The following GMEB1 variants were observed in gnomAD, a reference collection of about 807,000 sequenced individuals.
GMEB1 encodes glucocorticoid modulatory element binding protein 1.
In GMEB1, 6 loss-of-function variants were observed where a neutral mutation model predicts 52.4. The ratio of observed to expected loss-of-function variants is 0.11; its 90% confidence interval spans 0.06 to 0.23. The LOEUF (loss-of-function observed/expected upper bound fraction) is 0.23, where lower values mean the gene tolerates loss of function less well. GMEB1 is among the 10% of genes least tolerant of loss of function. GMEB1 has a pLI of 1.00. For synonymous variants in GMEB1, 255 were observed against 244.9 expected (o/e 1.04, Z -0.38); for missense variants, 486 against 685.6 (o/e 0.71, Z 3.25).
At chr1:28,686,224 C>T (rs571254975) in intron 2 of GMEB1, among the ~76,000 whole-genome samples, 1 of 152,106 alleles carries the variant, frequency 6.6e-6, no homozygotes, top group Admixed American at 6.6e-5. Flanking sequence ...ACCTGTAGTT[C>T]CAGCTACTCA....
rs369752804 is a variant in GMEB1, at chr1:28,674,340, AAAAAC to A, written c.-31+5507_-31+5511del. The stretch of plus-strand genomic sequence containing the variant: ...GGTGACAGAGGGTGACCCTGTCTCA[AAAAAC>A]AAAACGAAAGAAAACAAAAACCCAA... On this transcript the variant is annotated intron_variant, in intron 1 of 9. Coordinates refer to ENST00000373816, the MANE Select transcript of GMEB1 (RefSeq NM_001319674.2). Among the ~76,000 whole-genome samples the A allele has an allele frequency of 7.5e-3, 1,142 of 152,196 alleles. 10 individuals are homozygous for A. The highest frequency in any genetic ancestry group is 0.023 in the South Asian group (113 of 4,824).
intron 6 of GMEB1, among the ~76,000 whole-genome samples, chr1:28,698,095 G>A (rs1333441889): frequency 1.3e-5 from 2 of 152,012 alleles, no homozygotes; most frequent in Admixed American, 6.6e-5. Flanking sequence ...AGCCGAGATG[G>A]CACCACTGCA....
Position 28,706,977 on chromosome 1 carries a change from G to GTTTT in GMEB1, c.868+2670_868+2673dup, listed in dbSNP as rs1237383046. 1.7e-3 allele frequency among the ~76,000 whole-genome samples: 139 copies of GTTTT among 82,774 alleles called. 1 individual carries two copies. The highest frequency in any genetic ancestry group is 1.9e-3 in the Non-Finnish European group (87 of 46,062). 54.3% of individuals were successfully genotyped at this position (82,774 alleles called of 152,430 possible). A position where few individuals can be genotyped will look rare whatever the true frequency, so the allele number is the denominator to read the frequency against. On this transcript the variant is annotated intron_variant, in intron 8 of 9. Coordinates refer to ENST00000373816, the MANE Select transcript of GMEB1 (RefSeq NM_001319674.2). ...CCACCATGCCTGTCCTCCAGATTTG[G>GTTTT]TTTTTTTTTTTTTTTTTTTTTTTTT...
chr1:28,706,855 T>C (rs1339533797), intron 8 of GMEB1, among the ~76,000 whole-genome samples: 2 of 151,406 alleles, frequency 1.3e-5, no homozygotes, highest in Non-Finnish European at 2.9e-5. Context: ...TTAGTAGAGA[T>C]GGGGTTTCAC....
At chr1:28,693,509 GC>G (rs1670059563) in intron 5 of GMEB1, among the ~76,000 whole-genome samples, 1 of 151,316 alleles carries the variant, frequency 6.6e-6, no homozygotes, top group South Asian at 2.1e-4. Context: ...GAACCACCAC[GC>G]CCAGCCTCTT....
chr1:28,700,717 C>A (rs536080502), intron 6 of GMEB1, among the ~76,000 whole-genome samples: 1 of 151,268 alleles, frequency 6.6e-6, no homozygotes, highest in African/African-American at 2.4e-5. Flanking sequence ...TTGGTCAGTT[C>A]TAATATTCTG....
intron 7 of GMEB1, among the ~76,000 whole-genome samples, chr1:28,703,123 T>C (rs1200695132): frequency 6.6e-6 from 1 of 152,180 alleles, no homozygotes; most frequent in Non-Finnish European, 1.5e-5. Flanking sequence ...TGTTTGACTA[T>C]GTAGTCTATG....
At chr1:28,669,543 G>GT (rs984208090) in intron 1 of GMEB1, among the ~76,000 whole-genome samples, 2 of 152,078 alleles carry the variant, frequency 1.3e-5, no homozygotes, top group Non-Finnish European at 2.9e-5. Flanking sequence ...AAAAGGGCAG[G>GT]TTTTTTCCAA....
At chr1:28,669,646 T>G (rs1248542722) in intron 1 of GMEB1, among the ~76,000 whole-genome samples, 2 of 151,930 alleles carry the variant, frequency 1.3e-5, no homozygotes, top group African/African-American at 4.8e-5. Context: ...TAGAGCCTCC[T>G]GAAGTACGAA....
Position 28,717,187 on chromosome 1 carries a change from T to TG in GMEB1, c.*2414_*2415insG, listed in dbSNP as rs1006437969. On this transcript the variant is annotated 3_prime_UTR_variant, in exon 10 of 10. Transcript: ENST00000373816. The stretch of plus-strand genomic sequence containing the variant: ...CCCTGTAACATGGTAAGGTTGCTGT[T>TG]TTTTTTTTTTTTTTCTTTTTGAGAT... The TG allele has an allele frequency of 6.7e-6, 1 of 149,290 alleles. No individual in the cohort carries two copies. The highest frequency in any genetic ancestry group is 1.5e-5 in the Non-Finnish European group (1 of 67,184). 9.2% of individuals were successfully genotyped at this position (149,290 alleles called of 1,614,324 possible).
At position 28,694,726 on chromosome 1, in the gene GMEB1, C is replaced by A. The variant is rs572893721; in HGVS notation, c.440+1681C>A. 1.3e-4 allele frequency among the ~76,000 whole-genome samples: 20 copies of A among 151,404 alleles called. 1 individual carries two copies. In the South Asian group the frequency reaches 4.2e-3, roughly 32 times the overall value. Reference sequence around the variant, plus strand: ...CTGTGTCGCCCAGGCTGCAGTGGCACGATCTCAGCTCACTGCAACTTCCGC... The same window carrying A: ...CTGTGTCGCCCAGGCTGCAGTGGCAAGATCTCAGCTCACTGCAACTTCCGC... On this transcript the variant is annotated intron_variant, in intron 5 of 9. Coordinates refer to ENST00000373816, the MANE Select transcript of GMEB1 (RefSeq NM_001319674.2).
chr1:28,700,618 G>A (rs1422093046), intron 6 of GMEB1, among the ~76,000 whole-genome samples: 1 of 151,434 alleles, frequency 6.6e-6, no homozygotes, highest in Non-Finnish European at 1.5e-5. Context: ...CTGGGACGCG[G>A]AGACTGCCGT....
At chr1:28,704,645 G>A (rs991853884) in intron 8 of GMEB1, among the ~76,000 whole-genome samples, 3 of 150,518 alleles carry the variant, frequency 2.0e-5, no homozygotes, top group Middle Eastern at 3.4e-3. Flanking sequence ...TCGCTCTATC[G>A]CCTAGACTGG....
intron 1 of GMEB1, among the ~76,000 whole-genome samples, chr1:28,676,656 C>T (rs750449388): frequency 5.3e-5 from 8 of 150,942 alleles, no homozygotes; most frequent in South Asian, 2.1e-4. Context: ...AACCCGGAGG[C>T]GGAGCCTTCA....
chr1:28,695,139 G>C (rs1042809103), intron 5 of GMEB1, among the ~76,000 whole-genome samples: 5 of 150,508 alleles, frequency 3.3e-5, no homozygotes, highest in Non-Finnish European at 1.5e-5. Flanking sequence ...TAATTTTCTT[G>C]TATTTTTAGT....
At chr1:28,695,574 T>C (rs1387144956) in intron 5 of GMEB1, among the ~76,000 whole-genome samples, 1 of 151,998 alleles carries the variant, frequency 6.6e-6, no homozygotes, top group African/African-American at 2.4e-5. Context: ...ATTATTTGTG[T>C]TCTTTTTGTT....
At chr1:28,703,147 C>T (rs1300356406) in intron 7 of GMEB1, among the ~76,000 whole-genome samples, 1 of 152,162 alleles carries the variant, frequency 6.6e-6, no homozygotes, top group African/African-American at 2.4e-5. Context: ...TTCTTCTGAT[C>T]AGACTGCCTC....
At chr1:28,680,611 T>C (rs953087204) in intron 1 of GMEB1, among the ~76,000 whole-genome samples, 4 of 151,848 alleles carry the variant, frequency 2.6e-5, no homozygotes, top group Admixed American at 1.3e-4. Context: ...GGTGCGTGCC[T>C]AAAGTCCCAG....
At position 28,670,202 on chromosome 1, in the gene GMEB1, A is replaced by G. The variant is rs961449087; in HGVS notation, c.-31+1363A>G. On this transcript the variant is annotated intron_variant, in intron 1 of 9. Coordinates refer to ENST00000373816, the MANE Select transcript of GMEB1 (RefSeq NM_001319674.2). ...GTTTTTTGAGACGGAGTCTCACTCT[A>G]TCGCCCAGGCTGGAGTGGTGGCTCA... Among the ~76,000 whole-genome samples, 4 of 145,308 alleles carry G rather than the reference A, an allele frequency of 2.8e-5. 1 individual carries two copies. In the South Asian group the frequency reaches 6.8e-4, roughly 25 times the overall value.
Sources: allele counts gnomAD v4.1 joint callset (sites outside exome capture counted in the v4.1 genomes callset), GRCh38; gene constraint gnomAD v4.1.1; transcripts MANE v1.5; gene names NCBI Gene and HGNC (gene_info 2026-07-23, HGNC 2026-07-21).